Variants in SLC36A3 observed in about 807,000 individuals in gnomAD.
The protein encoded by SLC36A3 is solute carrier family 36 member 3, also known as proton-coupled amino acid transporter 3.
Under a neutral mutation model 44.3 loss-of-function variants are expected in SLC36A3, and 35 were observed. The observed-to-expected ratio is 0.79, with a 90% CI of 0.60 to 1.05. The LOEUF (loss-of-function observed/expected upper bound fraction) is 1.05, where lower values mean the gene tolerates loss of function less well. Among genes scored for constraint, SLC36A3 ranks in the 50% least tolerant of loss-of-function variants. The pLI is 0.00. For synonymous variants in SLC36A3, 211 were observed against 227.6 expected, an observed-to-expected ratio of 0.93 and a Z score of 0.66; for missense variants, 540 against 578.7, an observed-to-expected ratio of 0.93 and a Z score of 0.69.
intron 3 of SLC36A3, among the ~76,000 whole-genome samples, chr5:151,293,946 C>T (rs977237879): frequency 1.3e-5 from 2 of 152,246 alleles, no homozygotes; most frequent in Non-Finnish European, 1.5e-5. Context: ...TTCCTCTTGC[C>T]ATGTCCCTCT....
At chr5:151,277,702 A>G (rs1179438739) in intron 9 of SLC36A3, 41 bp from the exon 10 acceptor site, 3 of 1,593,004 alleles carry the variant, frequency 1.9e-6, no homozygotes, top group African/African-American at 2.7e-5. Flanking sequence ...GAATGTGCTC[A>G]GAAACAAGCC....
Position 151,277,399 on chromosome 5 carries a change from A to C in SLC36A3, c.1407T>G (p.His469Gln), listed in dbSNP as rs142325705. The change falls in exon 10 of 10, where the codon CAT becomes CAG. Residue 469 changes from histidine (H) to glutamine (Q), a missense_variant. Transcript: ENST00000335230. Reference sequence around the variant, plus strand: ...TTAGAATAAAAACAGATAATTATGCATGGACACCTGTGGAGTTGGCCATGG... The same window carrying C: ...TTAGAATAAAAACAGATAATTATGCCTGGACACCTGTGGAGTTGGCCATGG... ...SHSMANSTGV[H>Q]A 1.9e-6 allele frequency: 3 copies of C among 1,614,022 alleles called. No homozygotes were observed. The African/African-American group carries it at 4.0e-5, about 22-fold the overall frequency.
At chr5:151,302,490 A>G (rs959444708) in intron 1 of SLC36A3, among the ~76,000 whole-genome samples, 2 of 138,390 alleles carry the variant, frequency 1.4e-5, no homozygotes, top group South Asian at 2.5e-4. Flanking sequence ...CAAACACTGC[A>G]TGTTCTCACT....
At chr5:151,280,925 C>G in intron 9 of SLC36A3, 89 bp downstream of exon 9, 1 of 1,518,174 alleles carries the variant, frequency 6.6e-7, no homozygotes, top group African/African-American at 1.4e-5. Context: ...ACAAAGAAGG[C>G]AAGTGGCAGA....
intron 8 of SLC36A3, 82 bp from the exon 9 acceptor site, chr5:151,281,265 G>A (rs1754306200): frequency 1.4e-6 from 2 of 1,391,074 alleles, no homozygotes; most frequent in Non-Finnish European, 2.0e-6. Flanking sequence ...CTCAGAAGCT[G>A]GTATGGGTTG....
At chr5:151,302,702 G>A (rs896237082) in intron 1 of SLC36A3, among the ~76,000 whole-genome samples, 7 of 151,940 alleles carry the variant, frequency 4.6e-5, no homozygotes, top group East Asian at 1.9e-4. Context: ...TAACAAACCC[G>A]CATGTCCTGT....
intron 1 of SLC36A3, among the ~76,000 whole-genome samples, chr5:151,301,046 T>C (rs750189086): frequency 9.2e-5 from 14 of 152,264 alleles, no homozygotes; most frequent in Non-Finnish European, 1.3e-4. Flanking sequence ...AAGTTTTCAA[T>C]ATTATTGAAA....
chr5:151,278,135 G>A (rs1031406607), intron 9 of SLC36A3, among the ~76,000 whole-genome samples: 4 of 152,188 alleles, frequency 2.6e-5, no homozygotes, highest in African/African-American at 9.7e-5. Flanking sequence ...ACCAACATTT[G>A]TAGTATCTAT....
At chr5:151,292,140 C>T (rs1049722802) in intron 4 of SLC36A3, among the ~76,000 whole-genome samples, 4 of 152,158 alleles carry the variant, frequency 2.6e-5, no homozygotes, top group Admixed American at 1.3e-4. Flanking sequence ...GGATTACAGG[C>T]GTGAGCCACC....
At chr5:151,284,806 A>C in intron 6 of SLC36A3, 95 bp from the exon 7 acceptor site, 39 of 762,242 alleles carry the variant, frequency 5.1e-5, no homozygotes, top group Non-Finnish European at 7.2e-5. Flanking sequence ...ACCTGATCTC[A>C]ACAGAGAAAA....
At position 151,293,382 on chromosome 5, in the gene SLC36A3, G is replaced by T. The variant is rs1265780071; in HGVS notation, c.386C>A (p.Ala129Asp). The T allele has an allele frequency of 6.2e-7, 1 of 1,613,480 alleles. No homozygotes were observed. Among genetic ancestry groups the T allele is most frequent in the East Asian group, 2.2e-5 (1 of 44,878 alleles). ...CTACTACCTTCCCCACACTGCATGG[G>T]CCCTCAGCCAGGTGTTCGGGCAGGT... ...LETCPNTWLRAHAVWGRYTVS... is the reference protein window; with the variant it reads ...LETCPNTWLRDHAVWGRYTVS... The change falls in exon 4 of 10, where the codon GCC becomes GAC. Residue 129 changes from alanine to aspartate, a missense_variant. Ala to Asp is a moderately radical substitution (Grantham distance 126, BLOSUM62 -2). Transcript: ENST00000335230.
chr5:151,296,087 G>A, intron 3 of SLC36A3, 93 bp downstream of exon 3: 1 of 1,195,768 alleles, frequency 8.4e-7, no homozygotes, highest in Non-Finnish European at 1.2e-6. Flanking sequence ...GCCTGGAGCA[G>A]TGGCCGAATT....
intron 5 of SLC36A3, among the ~76,000 whole-genome samples, chr5:151,287,789 T>C (rs895254786): frequency 2.6e-5 from 4 of 152,230 alleles, no homozygotes; most frequent in Non-Finnish European, 4.4e-5. Context: ...GTTTCTTTCA[T>C]ACATCCAGAG....
At chr5:151,297,828 G>T (rs1294682865) in intron 2 of SLC36A3, 1 of 152,268 alleles carries the variant, frequency 6.6e-6, no homozygotes, top group Non-Finnish European at 1.5e-5. Flanking sequence ...GGGCGTGGTG[G>T]CTCACACCTG....
At chr5:151,301,325 C>A (rs923479772) in intron 1 of SLC36A3, among the ~76,000 whole-genome samples, 24 of 152,118 alleles carry the variant, frequency 1.6e-4, no homozygotes, top group African/African-American at 5.6e-4. Context: ...GGTCATGCAG[C>A]CTCTGGCTCC....
At chr5:151,284,262 C>T in intron 7 of SLC36A3, 52 bp from the exon 8 acceptor site, 1 of 1,542,382 alleles carries the variant, frequency 6.5e-7, no homozygotes, top group Non-Finnish European at 8.7e-7. Context: ...AGATGTGGCC[C>T]ATTGTGAAGG....
intron 4 of SLC36A3, among the ~76,000 whole-genome samples, chr5:151,292,138 GGCGTGA>G (rs1754782037): frequency 1.3e-5 from 2 of 152,160 alleles, no homozygotes; most frequent in South Asian, 4.1e-4. Flanking sequence ...TGGGATTACA[GGCGTGA>G]GCCACCACAC....
chr5:151,284,533 A>T (rs969279771), intron 7 of SLC36A3, 80 bp downstream of exon 7: 3 of 1,099,926 alleles, frequency 2.7e-6, no homozygotes, highest in Admixed American at 2.2e-5. Context: ...CATAAATACT[A>T]TTTATTCAGA....
In SLC36A3 at chr5:151,276,555, C is replaced by T. The variant is rs1754100014; in HGVS notation, c.*838G>A. Reference sequence around the variant, plus strand: ...TCTTTGCTTTTATAAGTAAAGTTACCATGAATATTTTTGTACAAGTCTTTT... The same window carrying T: ...TCTTTGCTTTTATAAGTAAAGTTACTATGAATATTTTTGTACAAGTCTTTT... On this transcript the variant is annotated 3_prime_UTR_variant, in exon 10 of 10. Transcript: ENST00000335230. 6.6e-6 allele frequency among the ~76,000 whole-genome samples: 1 copy of T among 152,100 alleles called. No individual in the cohort carries two copies. Among genetic ancestry groups the T allele is most frequent in the Non-Finnish European group, 1.5e-5 (1 of 68,010 alleles).
Sources: allele counts gnomAD v4.1 joint callset (sites outside exome capture counted in the v4.1 genomes callset), GRCh38; gene constraint gnomAD v4.1.1; transcripts MANE v1.5; gene names NCBI Gene and HGNC (gene_info 2026-07-23, HGNC 2026-07-21).